The following CDH19 variants were observed in gnomAD, a reference collection of about 807,000 sequenced individuals.
CDH19 encodes cadherin-19.
A neutral mutation model predicts 64.2 loss-of-function variants in CDH19; 67 were observed. That is an observed-to-expected ratio of 1.04 (90% CI 0.86 to 1.28). The LOEUF (loss-of-function observed/expected upper bound fraction) is 1.28. Among genes scored for constraint, CDH19 ranks in the 50% most tolerant of loss-of-function variants. CDH19 has a pLI of 0.00. For synonymous variants in CDH19, 346 were observed against 319.3 expected, an observed-to-expected ratio of 1.08 and a Z score of -0.89; for missense variants, 1,030 against 929.0, an observed-to-expected ratio of 1.11 and a Z score of -1.41.
intron 3 of CDH19, among the ~76,000 whole-genome samples, chr18:66,561,228 G>A (rs1459565129): frequency 6.6e-6 from 1 of 152,044 alleles, no homozygotes; most frequent in Non-Finnish European, 1.5e-5. Flanking sequence ...TTATTTTAAT[G>A]ACTTAATAAT....
At chr18:66,569,179 CATAAAG>C (rs1218742852) in intron 2 of CDH19, among the ~76,000 whole-genome samples, 1 of 151,478 alleles carries the variant, frequency 6.6e-6, no homozygotes, top group Non-Finnish European at 1.5e-5. Context: ...AATTAGGGTT[CATAAAG>C]ATAATGATAA....
intron 7 of CDH19, among the ~76,000 whole-genome samples, chr18:66,535,955 A>T (rs903931512): frequency 3.4e-5 from 5 of 148,106 alleles, no homozygotes; most frequent in African/African-American, 1.2e-4. Context: ...ATATAAAACA[A>T]AAGTAAAATA....
intron 11 of CDH19, among the ~76,000 whole-genome samples, chr18:66,507,021 AGTT>A (rs1985235921): frequency 6.6e-6 from 1 of 151,890 alleles, no homozygotes; most frequent in Non-Finnish European, 1.5e-5. Flanking sequence ...CTATTGTAAT[AGTT>A]GACCCGTAAC....
intron 2 of CDH19, among the ~76,000 whole-genome samples, chr18:66,569,926 T>G (rs1988048218): frequency 6.6e-6 from 1 of 151,654 alleles, no homozygotes; most frequent in Admixed American, 6.6e-5. Context: ...TTCTTTGCGG[T>G]TGTGGAGAAA....
At chr18:66,578,965 C>T (rs2144597653) in intron 1 of CDH19, among the ~76,000 whole-genome samples, 1 of 151,794 alleles carries the variant, frequency 6.6e-6, no homozygotes, top group Non-Finnish European at 1.5e-5. Flanking sequence ...AGACTAAGAA[C>T]TGTGGGAAAA....
intron 5 of CDH19, among the ~76,000 whole-genome samples, chr18:66,545,428 CCT>C (rs1349207048): frequency 2.7e-5 from 4 of 145,966 alleles, no homozygotes; most frequent in Non-Finnish European, 5.9e-5. Flanking sequence ...TTCCTTCCTT[CCT>C]CTCTCTGCCC....
At chr18:66,576,668 AAC>A (rs1485735507) in intron 1 of CDH19, among the ~76,000 whole-genome samples, 4 of 151,630 alleles carry the variant, frequency 2.6e-5, no homozygotes, top group Non-Finnish European at 5.9e-5. Context: ...TACAAGAAGA[AAC>A]ACACAAATCT....
rs1482836631 is a variant in CDH19, at chr18:66,575,158, C to T, written c.-112-2842G>A. ...TCTAATTCAGAGGATAAGCACAGAC[C>T]TGTGGATCATTTCATTATAATGGTA... On this transcript the variant is annotated intron_variant, in intron 1 of 11. Coordinates refer to ENST00000262150, the MANE Select transcript of CDH19 (RefSeq NM_021153.4). Among the ~76,000 whole-genome samples, 3 of 151,752 alleles carry T rather than the reference C, an allele frequency of 2.0e-5. No individual in the cohort carries two copies. In the Admixed American group the frequency reaches 2.0e-4, roughly 10 times the overall value.
chr18:66,584,334 A>T (rs534024321), intron 1 of CDH19, among the ~76,000 whole-genome samples: 1 of 152,160 alleles, frequency 6.6e-6, no homozygotes, highest in East Asian at 1.9e-4. Flanking sequence ...TGAAAAACTC[A>T]AAAATAACAG....
At chr18:66,519,495 G>T (rs78716687) in intron 9 of CDH19, among the ~76,000 whole-genome samples, 3,014 of 152,202 alleles carry the variant, frequency 0.02, 91 homozygotes, top group African/African-American at 0.068. Flanking sequence ...TTCAGCTATT[G>T]CACTGTGTAA....
chr18:66,594,701 T>C (rs1307648311), intron 1 of CDH19, among the ~76,000 whole-genome samples: 1 of 151,624 alleles, frequency 6.6e-6, no homozygotes. Flanking sequence ...TCATGTCCTT[T>C]GTAGGGACAT....
At chr18:66,507,645 G>T (rs1233945852) in intron 11 of CDH19, among the ~76,000 whole-genome samples, 1 of 151,718 alleles carries the variant, frequency 6.6e-6, no homozygotes, top group African/African-American at 2.4e-5. Context: ...AAAAAAACAA[G>T]CAAACAAAAA....
chr18:66,512,797 G>T (rs561500720), intron 9 of CDH19, among the ~76,000 whole-genome samples: 19 of 151,508 alleles, frequency 1.3e-4, no homozygotes, highest in Admixed American at 3.3e-4. Flanking sequence ...GTATAGGCTG[G>T]GTAGAGGGCA....
At chr18:66,562,705 C>A (rs1442278220) in intron 3 of CDH19, among the ~76,000 whole-genome samples, 2 of 152,026 alleles carry the variant, frequency 1.3e-5, no homozygotes, top group Non-Finnish European at 2.9e-5. Context: ...ATTTTTATGA[C>A]AGAAAATTTT....
chr18:66,576,577 C>A (rs1568206488), intron 1 of CDH19, among the ~76,000 whole-genome samples: 1 of 151,300 alleles, frequency 6.6e-6, no homozygotes, highest in African/African-American at 2.4e-5. Flanking sequence ...TAACAGGGCA[C>A]AACTTTTCTA....
At chr18:66,508,328 C>T (rs1038318610) in intron 11 of CDH19, among the ~76,000 whole-genome samples, 1 of 151,072 alleles carries the variant, frequency 6.6e-6, no homozygotes, top group African/African-American at 2.4e-5. Flanking sequence ...TATTTTACCA[C>T]ATGGTAACTA....
intron 7 of CDH19, among the ~76,000 whole-genome samples, chr18:66,539,509 T>C (rs1203553599): frequency 2.6e-5 from 4 of 152,122 alleles, no homozygotes; most frequent in African/African-American, 9.7e-5. Context: ...CAAATGTTTT[T>C]TCTTTGTCTA....
At chr18:66,578,069 A>G (rs1353587618) in intron 1 of CDH19, among the ~76,000 whole-genome samples, 1 of 151,904 alleles carries the variant, frequency 6.6e-6, no homozygotes, top group Non-Finnish European at 1.5e-5. Flanking sequence ...ATACAGGATA[A>G]TCTTCCTACC....
chr18:66,582,312 G>T (rs767284643), intron 1 of CDH19, among the ~76,000 whole-genome samples: 1 of 152,002 alleles, frequency 6.6e-6, no homozygotes, highest in Admixed American at 6.6e-5. Flanking sequence ...GGGAAATGTG[G>T]ATGGGATAAA....
Sources: allele counts gnomAD v4.1 joint callset (sites outside exome capture counted in the v4.1 genomes callset), GRCh38; gene constraint gnomAD v4.1.1; transcripts MANE v1.5; gene names NCBI Gene and HGNC (gene_info 2026-07-23, HGNC 2026-07-21).